The following BCL2 variants were observed in gnomAD, a reference collection of about 807,000 sequenced individuals.
BCL2 encodes BCL2 apoptosis regulator, also known as apoptosis regulator Bcl-2.
A neutral mutation model predicts 14.2 loss-of-function variants in BCL2; 1 was observed. The observed-to-expected ratio is 0.07, with a 90% CI of 0.02 to 0.33. BCL2 has a LOEUF of 0.33. BCL2 is among the 10% of genes least tolerant of loss of function. The probability of loss-of-function intolerance (pLI) is 0.99; values close to 1 mark genes in which losing one functional copy is unlikely to be tolerated. For synonymous variants in BCL2, 151 were observed against 137.2 expected (o/e 1.10, Z -0.70); for missense variants, 247 against 305.9 (o/e 0.81, Z 1.44).
chr18:63,195,003 T>A (rs1909405517), intron 2 of BCL2, among the ~76,000 whole-genome samples: 1 of 152,210 alleles, frequency 6.6e-6, no homozygotes, highest in Admixed American at 6.5e-5. Context: ...CCCATGATAG[T>A]GCAGTGATAT....
intron 2 of BCL2, among the ~76,000 whole-genome samples, chr18:63,229,006 G>A (rs990164651): frequency 1.3e-5 from 2 of 152,152 alleles, no homozygotes; most frequent in African/African-American, 2.4e-5. Context: ...CACCACGCCC[G>A]GCCTACAGCC....
chr18:63,137,574 C>A (rs751831200), intron 2 of BCL2, among the ~76,000 whole-genome samples: 1 of 152,004 alleles, frequency 6.6e-6, no homozygotes, highest in Non-Finnish European at 1.5e-5. Context: ...TTTCTTTCAG[C>A]AGCAGCCTCT....
intron 2 of BCL2, among the ~76,000 whole-genome samples, chr18:63,152,488 C>G (rs1423349891): frequency 6.6e-6 from 1 of 152,102 alleles, no homozygotes; most frequent in African/African-American, 2.4e-5. Flanking sequence ...TTCTAAAATG[C>G]CTGAGACTTT....
intron 2 of BCL2, among the ~76,000 whole-genome samples, chr18:63,218,038 C>T (rs1015193251): frequency 1.3e-5 from 2 of 152,184 alleles, no homozygotes; most frequent in African/African-American, 2.4e-5. Flanking sequence ...GGCCCCAGAA[C>T]ATGCAGAAAC....
At chr18:63,156,716 G>A (rs1407392943) in intron 2 of BCL2, among the ~76,000 whole-genome samples, 1 of 152,166 alleles carries the variant, frequency 6.6e-6, no homozygotes, top group East Asian at 1.9e-4. Flanking sequence ...TTGTGGGTTG[G>A]GGGTGGGGGT....
intron 2 of BCL2, among the ~76,000 whole-genome samples, chr18:63,165,071 T>TAATC (rs1366417448): frequency 2.6e-5 from 4 of 151,982 alleles, no homozygotes; most frequent in Non-Finnish European, 5.9e-5. Context: ...TAAAGTATAA[T>TAATC]AATAAATAAA....
chr18:63,123,794 C>T lies in BCL2; in HGVS notation c.*4831G>A, dbSNP rs1295442316. 4.6e-6 allele frequency: 1 copy of T among 219,210 alleles called. No homozygotes were observed. The highest frequency in any genetic ancestry group is 9.2e-6 in the Non-Finnish European group (1 of 109,122). The allele number at this position is 219,210 out of a possible 1,614,324, so 13.6% of individuals were successfully genotyped here. A position where few individuals can be genotyped will look rare whatever the true frequency, so the allele number is the denominator to read the frequency against. ...TCCACTGTCACTCTTGCAAATTCTA[C>T]CTTGGAGGGAAAAACTTAATGAAAT... is the stretch of plus-strand genomic sequence containing the variant. On this transcript the variant is annotated 3_prime_UTR_variant, in exon 3 of 3. Coordinates refer to ENST00000333681, the MANE Select transcript of BCL2 (RefSeq NM_000633.3).
chr18:63,293,336 G>A (rs761747807), intron 2 of BCL2, among the ~76,000 whole-genome samples: 1 of 152,312 alleles, frequency 6.6e-6, no homozygotes, highest in Non-Finnish European at 1.5e-5. Context: ...TTTTGGGGCT[G>A]TGAAGGGAGG....
chr18:63,294,812 T>A, intron 2 of BCL2, among the ~76,000 whole-genome samples: 1 of 151,872 alleles, frequency 6.6e-6, no homozygotes. Context: ...ATATGAGCAA[T>A]GTTGGAGAAT....
chr18:63,243,784 A>C (rs1911079028), intron 2 of BCL2, among the ~76,000 whole-genome samples: 1 of 152,252 alleles, frequency 6.6e-6, no homozygotes, highest in Non-Finnish European at 1.5e-5. Context: ...CAAGGGACTA[A>C]TATGACAAAT....
chr18:63,311,496 GA>G (rs1913317831), intron 2 of BCL2, among the ~76,000 whole-genome samples: 1 of 152,154 alleles, frequency 6.6e-6, no homozygotes, highest in Admixed American at 6.5e-5. Flanking sequence ...AACCTCCCCT[GA>G]AAAATTAAAG....
chr18:63,249,732 AGG>A (rs1911253319), intron 2 of BCL2, among the ~76,000 whole-genome samples: 2 of 116,826 alleles, frequency 1.7e-5, no homozygotes, highest in African/African-American at 6.4e-5. Context: ...AAAAAAAAAA[AGG>A]CAAGCTCTGA....
intron 2 of BCL2, among the ~76,000 whole-genome samples, chr18:63,253,038 T>A (rs373157331): frequency 1.3e-5 from 2 of 152,254 alleles, no homozygotes; most frequent in Non-Finnish European, 2.9e-5. Context: ...CACTTTAATG[T>A]TAACTAGAAT....
intron 2 of BCL2, among the ~76,000 whole-genome samples, chr18:63,134,420 G>A (rs1394168381): frequency 6.6e-6 from 1 of 152,112 alleles, no homozygotes; most frequent in Admixed American, 6.5e-5. Flanking sequence ...ACAGGCCCCC[G>A]GTTAAGTGAG....
chr18:63,213,702 A>T (rs1388577420), intron 2 of BCL2, among the ~76,000 whole-genome samples: 2 of 152,294 alleles, frequency 1.3e-5, no homozygotes, highest in East Asian at 3.9e-4. Context: ...AAGAATGATG[A>T]AATCACACTC....
chr18:63,182,546 G>A (rs369644282), intron 2 of BCL2, among the ~76,000 whole-genome samples: 13 of 152,296 alleles, frequency 8.5e-5, no homozygotes, highest in African/African-American at 3.1e-4. Context: ...CTTGAGACCG[G>A]GGGATGTCCA....
intron 2 of BCL2, among the ~76,000 whole-genome samples, chr18:63,297,230 A>G (rs1300450903): frequency 6.6e-6 from 1 of 152,226 alleles, no homozygotes; most frequent in East Asian, 1.9e-4. Flanking sequence ...AAAGAAAGAA[A>G]GAAATATAAT....
At chr18:63,300,466 CTGTGTGTG>C (rs371006514) in intron 2 of BCL2, among the ~76,000 whole-genome samples, 1 of 148,038 alleles carries the variant, frequency 6.8e-6, no homozygotes, top group African/African-American at 2.5e-5. Flanking sequence ...CTCTCTCTCT[CTGTGTGTG>C]TGTGTGTGTG....
intron 2 of BCL2, among the ~76,000 whole-genome samples, chr18:63,164,517 G>A (rs896441478): frequency 6.6e-6 from 1 of 152,206 alleles, no homozygotes; most frequent in Non-Finnish European, 1.5e-5. Flanking sequence ...GAGGCTTTTA[G>A]GGGGAAAGAC....
Sources: allele counts gnomAD v4.1 joint callset (sites outside exome capture counted in the v4.1 genomes callset), GRCh38; gene constraint gnomAD v4.1.1; transcripts MANE v1.5; gene names NCBI Gene and HGNC (gene_info 2026-07-23, HGNC 2026-07-21).